Variants in CERS6 observed in about 807,000 individuals in gnomAD.
CERS6 encodes ceramide synthase 6, also known as LAG1 homolog, ceramide synthase 6.
A neutral mutation model predicts 56.8 loss-of-function variants in CERS6; 26 were observed. The observed-to-expected ratio is 0.46, with a 90% CI of 0.34 to 0.63. The LOEUF (loss-of-function observed/expected upper bound fraction) is 0.63, where lower values mean the gene tolerates loss of function less well. Among genes scored for constraint, CERS6 ranks in the 30% least tolerant of loss-of-function variants. The pLI is 0.01. For synonymous variants in CERS6, 164 were observed against 173.3 expected (o/e 0.95, Z 0.42); for missense variants, 415 against 467.5 (o/e 0.89, Z 1.04).
chr2:168,701,562 A>C (rs1266545144), intron 6 of CERS6, among the ~76,000 whole-genome samples: 2 of 152,204 alleles, frequency 1.3e-5, no homozygotes, highest in Non-Finnish European at 2.9e-5. Flanking sequence ...GCAGAAAGAA[A>C]AAAATGTCAG....
intron 8 of CERS6, among the ~76,000 whole-genome samples, chr2:168,742,352 T>G (rs1169509938): frequency 2.6e-5 from 4 of 152,188 alleles, no homozygotes; most frequent in African/African-American, 9.7e-5. Flanking sequence ...GTTATGCGTA[T>G]GGGTATAAAT....
At chr2:168,679,094 C>T (rs889537366) in intron 4 of CERS6, among the ~76,000 whole-genome samples, 4 of 152,008 alleles carry the variant, frequency 2.6e-5, no homozygotes, top group African/African-American at 7.2e-5. Context: ...ATGACAAATA[C>T]TGTATGATCT....
intron 1 of CERS6, among the ~76,000 whole-genome samples, chr2:168,512,051 C>T (rs1230169925): frequency 1.3e-5 from 2 of 152,072 alleles, no homozygotes; most frequent in South Asian, 4.1e-4. Flanking sequence ...ACCCTTAGCA[C>T]GTTAGCCTAA....
intron 1 of CERS6, among the ~76,000 whole-genome samples, chr2:168,516,743 G>A (rs1486472390): frequency 6.6e-6 from 1 of 152,112 alleles, no homozygotes; most frequent in African/African-American, 2.4e-5. Flanking sequence ...GAAAGAGCTG[G>A]GACTGAAAAC....
At chr2:168,556,712 C>T (rs1036270611) in intron 2 of CERS6, among the ~76,000 whole-genome samples, 1 of 151,878 alleles carries the variant, frequency 6.6e-6, no homozygotes, top group African/African-American at 2.4e-5. Flanking sequence ...TTTGTGGAGC[C>T]TACATTTCAG....
intron 8 of CERS6, among the ~76,000 whole-genome samples, chr2:168,742,947 G>A (rs1683962026): frequency 6.6e-6 from 1 of 152,106 alleles, no homozygotes; most frequent in African/African-American, 2.4e-5. Flanking sequence ...ACCAGTCCCT[G>A]CTCTCTTTTG....
chr2:168,741,256 A>T (rs867698722), intron 8 of CERS6, among the ~76,000 whole-genome samples: 3 of 152,054 alleles, frequency 2.0e-5, no homozygotes, highest in Middle Eastern at 3.2e-3. Context: ...AATAGCAGTG[A>T]TAGTGGTGTT....
chr2:168,457,347 T>C (rs947601043), intron 1 of CERS6, among the ~76,000 whole-genome samples: 5 of 152,208 alleles, frequency 3.3e-5, no homozygotes, highest in African/African-American at 1.2e-4. Flanking sequence ...AACTTCTTTT[T>C]TGGTACTCGA....
At position 168,562,531 on chromosome 2, in the gene CERS6, G is replaced by T. The variant is rs186247807; in HGVS notation, c.407+1209G>T. Among the ~76,000 whole-genome samples, 759 of 152,302 alleles carry T rather than the reference G, an allele frequency of 5.0e-3. 6 individuals are homozygous for T. Among genetic ancestry groups the T allele is most frequent in the South Asian group, 0.015 (70 of 4,814 alleles). ...CATGTGAGCAAAAGAATCTATGTTAGAATTAAGTTCAAGGGAAGGTACTAT... is the reference window on the plus strand; with the variant it reads ...CATGTGAGCAAAAGAATCTATGTTATAATTAAGTTCAAGGGAAGGTACTAT... On this transcript the variant is annotated intron_variant, in intron 3 of 9. Transcript: ENST00000305747.
chr2:168,661,112 C>T (rs530420150), intron 4 of CERS6, among the ~76,000 whole-genome samples: 1 of 152,230 alleles, frequency 6.6e-6, no homozygotes, highest in South Asian at 2.1e-4. Context: ...TTAGCATCAG[C>T]AGTTTAGCAG....
intron 4 of CERS6, among the ~76,000 whole-genome samples, chr2:168,679,399 A>G (rs1686152274): frequency 6.6e-6 from 1 of 152,246 alleles, no homozygotes; most frequent in African/African-American, 2.4e-5. Context: ...ATTATCCAAT[A>G]TCTACACGTG....
At chr2:168,759,839 C>T (rs1684517509) in intron 8 of CERS6, among the ~76,000 whole-genome samples, 1 of 150,884 alleles carries the variant, frequency 6.6e-6, no homozygotes, top group African/African-American at 2.4e-5. Flanking sequence ...ATCTAAGCAT[C>T]TAAGGAGAAC....
chr2:168,459,030 TC>T (rs1693730166), intron 1 of CERS6, among the ~76,000 whole-genome samples: 2 of 152,374 alleles, frequency 1.3e-5, no homozygotes, highest in East Asian at 3.9e-4. Flanking sequence ...TGTATATACA[TC>T]CTTTTCTTTT....
At chr2:168,669,141 A>G (rs1026127768) in intron 4 of CERS6, among the ~76,000 whole-genome samples, 2 of 152,196 alleles carry the variant, frequency 1.3e-5, no homozygotes, top group Non-Finnish European at 2.9e-5. Context: ...TGGTTCCATT[A>G]TGTTATTAAG....
At chr2:168,528,275 C>G (rs1695104948) in intron 1 of CERS6, among the ~76,000 whole-genome samples, 1 of 152,126 alleles carries the variant, frequency 6.6e-6, no homozygotes, top group Non-Finnish European at 1.5e-5. Flanking sequence ...GTTTTGTTTT[C>G]AATGATTGAT....
At chr2:168,764,548 C>T (rs1314307450) in intron 8 of CERS6, among the ~76,000 whole-genome samples, 1 of 152,038 alleles carries the variant, frequency 6.6e-6, no homozygotes, top group Non-Finnish European at 1.5e-5. Flanking sequence ...CCAGGGGAAG[C>T]CTTACAAAAT....
At chr2:168,717,800 T>C in intron 7 of CERS6, 72 bp from the exon 8 acceptor site, 1 of 1,045,720 alleles carries the variant, frequency 9.6e-7, no homozygotes, top group Non-Finnish European at 1.4e-6. Context: ...TATAGGAGAT[T>C]CATGCATATT....
intron 8 of CERS6, among the ~76,000 whole-genome samples, chr2:168,751,969 C>T (rs2105446171): frequency 6.6e-6 from 1 of 152,246 alleles, no homozygotes; most frequent in African/African-American, 2.4e-5. Context: ...GTGTATTTGT[C>T]TGAGTCTCCT....
chr2:168,566,226 A>G (rs1412734693), intron 3 of CERS6, among the ~76,000 whole-genome samples: 1 of 152,178 alleles, frequency 6.6e-6, no homozygotes, highest in African/African-American at 2.4e-5. Context: ...AATCTCCCAT[A>G]TGTAATCTGA....
Sources: allele counts gnomAD v4.1 joint callset (sites outside exome capture counted in the v4.1 genomes callset), GRCh38; gene constraint gnomAD v4.1.1; transcripts MANE v1.5; gene names NCBI Gene and HGNC (gene_info 2026-07-23, HGNC 2026-07-21).